Variants in GAS6 observed in about 807,000 individuals in gnomAD.
GAS6 encodes the protein growth arrest specific 6, also known as growth arrest-specific protein 6.
Under a neutral mutation model 75.8 loss-of-function variants are expected in GAS6, and 41 were observed. The ratio of observed to expected loss-of-function variants is 0.54; its 90% CI spans 0.42 to 0.70. The LOEUF (loss-of-function observed/expected upper bound fraction) is 0.70. Among genes scored for constraint, GAS6 ranks in the 30% least tolerant of loss-of-function variants. GAS6 has a pLI of 0.00. For missense variants in GAS6, 854 were observed against 940.2 expected (o/e 0.91, Z 1.20); for synonymous variants, 432 against 412.6 (o/e 1.05, Z -0.57).
At chr13:113,828,775 G>C in intron 10 of GAS6, 64 bp from the exon 11 acceptor site, 2 of 1,546,782 alleles carry the variant, frequency 1.3e-6, no homozygotes. Context: ...TCCCAACTGA[G>C]AAAAACCACA....
chr13:113,853,873 T>C (rs2051894326), intron 2 of GAS6, among the ~76,000 whole-genome samples: 1 of 152,198 alleles, frequency 6.6e-6, no homozygotes, highest in Non-Finnish European at 1.5e-5. Context: ...GCTTGGGAAG[T>C]GCAAAATCCT....
intron 4 of GAS6, chr13:113,843,162 G>A (rs1463368316): frequency 1.4e-5 from 4 of 279,034 alleles, no homozygotes; most frequent in Middle Eastern, 9.9e-4. Context: ...CCCTGACCCC[G>A]TCCACCTCCC....
intron 6 of GAS6, among the ~76,000 whole-genome samples, chr13:113,836,832 GA>G (rs2051720631): frequency 7.6e-6 from 1 of 131,190 alleles, no homozygotes; most frequent in African/African-American, 2.9e-5. Context: ...GGAAGATGGG[GA>G]GGAGGAGGGG....
At chr13:113,862,692 T>C (rs2051981795) in intron 2 of GAS6, among the ~76,000 whole-genome samples, 1 of 152,124 alleles carries the variant, frequency 6.6e-6, no homozygotes, top group Admixed American at 6.5e-5. Context: ...CCACTAGAAA[T>C]GTAAGCGGAA....
Position 113,835,515 on chromosome 13 carries a change from C to A in GAS6, c.710G>T (p.Arg237Leu). The change falls in exon 7 of 15, where the codon CGA (arginine) becomes CTA (leucine). Residue 237 changes from arginine (R) to leucine (L), a missense_variant and splice_region_variant. By Grantham distance (102) the Arg-to-Leu change is moderately radical. Transcript: ENST00000327773. The stretch of plus-strand genomic sequence containing the variant: ...GGGTGACCGCGTGGCGTGGGTACCT[C>A]GGCAAGCCTTCTCCTGGGAGCTGTA... ...FAYSSQEKAC[R>L]DVDECLQGRC... 6.2e-7 allele frequency: 1 copy of A among 1,612,360 alleles called. No homozygotes were observed. The highest frequency in any genetic ancestry group is 8.5e-7 in the Non-Finnish European group (1 of 1,179,726).
At position 113,823,030 on chromosome 13, in the gene GAS6, C is replaced by CT. The variant is rs565501558; in HGVS notation, c.1653+344dup. 483 of 207,672 alleles carry CT rather than the reference C, an allele frequency of 2.3e-3. 1 individual carries two copies. Among genetic ancestry groups the CT allele is most frequent in the Middle Eastern group, 6.6e-3 (4 of 608 alleles). The allele number at this position is 207,672 out of a possible 1,614,324, so 12.9% of individuals were successfully genotyped here. A position where few individuals can be genotyped will look rare whatever the true frequency, so the allele number is the denominator to read the frequency against. ...CGACTTTTCCAGGGAAATTGGAAAA[C>CT]TGAGTTTGTTGCTGAAATCATCTGA... is the stretch of plus-strand genomic sequence containing the variant. On this transcript the variant is annotated intron_variant, in intron 13 of 14. Coordinates refer to ENST00000327773, the MANE Select transcript of GAS6 (RefSeq NM_000820.4).
chr13:113,826,466 C>T (rs1318001181), intron 12 of GAS6, among the ~76,000 whole-genome samples: 8,710 of 98,616 alleles, frequency 0.088, 588 homozygotes, highest in South Asian at 0.13. Flanking sequence ...CGGCGCCGGC[C>T]TCGCAGGCAC....
chr13:113,860,287 C>T (rs930242333), intron 2 of GAS6, among the ~76,000 whole-genome samples: 5 of 152,148 alleles, frequency 3.3e-5, no homozygotes, highest in East Asian at 1.9e-4. Context: ...CACCAGCCCT[C>T]GGTGAATATT....
intron 12 of GAS6, among the ~76,000 whole-genome samples, chr13:113,823,760 T>G (rs532145736): frequency 5.7e-4 from 87 of 152,306 alleles, no homozygotes; most frequent in African/African-American, 2.0e-3. Context: ...TGTTTCTCCC[T>G]GGCCACACCA....
rs368423661 is a variant in GAS6 at position 113,863,660 on chromosome 13, T to G, written c.170A>C (p.Lys57Thr). ...RRAFQVFEEAKQGHLERECVE... is the reference protein window; with the variant it reads ...RRAFQVFEEATQGHLERECVE... ...GCACTCCCTCTCCAGGTGGCCCTGC[T>G]TGGCCTCCTCGAAGACCTGAAAGGC... is the stretch of plus-strand genomic sequence containing the variant. Residue 57 changes from lysine to threonine, a missense_variant, in exon 2 of 15, where the codon AAG becomes ACG. Transcript: ENST00000327773. The surrounding 1 kb of genome is among the most constrained non-coding windows in gnomAD (Gnocchi z 9.4). 1 of 1,522,148 alleles carries G rather than the reference T, an allele frequency of 6.6e-7. No individual in the cohort carries two copies. The highest frequency in any genetic ancestry group is 8.8e-7 in the Non-Finnish European group (1 of 1,134,856). The allele number at this position is 1,522,148 out of a possible 1,614,324, so 94.3% of individuals were successfully genotyped here.
intron 3 of GAS6, among the ~76,000 whole-genome samples, chr13:113,847,440 T>C (rs992876206): frequency 2.6e-5 from 4 of 151,868 alleles, no homozygotes; most frequent in African/African-American, 9.7e-5. Flanking sequence ...TAAGATGGTG[T>C]CAGTTAAACG....
At chr13:113,839,632 G>A in intron 5 of GAS6, 96 bp downstream of exon 5, 1 of 1,511,188 alleles carries the variant, frequency 6.6e-7, no homozygotes, top group Non-Finnish European at 9.0e-7. Flanking sequence ...AGAGCAGCCT[G>A]AGGATGGCCG....
chr13:113,835,537 T>G lies in GAS6; in HGVS notation c.688A>C (p.Ser230Arg). 3 of 1,612,490 alleles carry G rather than the reference T, an allele frequency of 1.9e-6. No individual in the cohort carries two copies. Among genetic ancestry groups the G allele is most frequent in the Non-Finnish European group, 2.5e-6 (3 of 1,179,840 alleles). ...CCTCGGCAAGCCTTCTCCTGGGAGC[T>G]GTACGCAAAGCCCTCGTCACAGAGG... Reference protein sequence around the residue: ...SCLCDEGFAYSSQEKACRDVD... With the variant: ...SCLCDEGFAYRSQEKACRDVD... Residue 230 changes from serine to arginine, a missense_variant, in exon 7 of 15, where the codon AGC (serine) becomes CGC (arginine). Physicochemically the swap from Ser to Arg is moderately radical, Grantham distance 110. Coordinates refer to ENST00000327773, the MANE Select transcript of GAS6 (RefSeq NM_000820.4).
At chr13:113,847,054 G>T (rs746364843) in intron 3 of GAS6, 1 of 499,394 alleles carries the variant, frequency 2.0e-6, no homozygotes, top group Non-Finnish European at 4.0e-6. Flanking sequence ...CTAGGGCGGC[G>T]GGGGGAGGCG....
At chr13:113,834,999 G>A (rs542339384) in intron 7 of GAS6, among the ~76,000 whole-genome samples, 2 of 152,378 alleles carry the variant, frequency 1.3e-5, no homozygotes, top group Admixed American at 6.5e-5. Flanking sequence ...TGTGCAGTGA[G>A]GTGTCCCCCG....
chr13:113,833,421 A>AGTC, intron 8 of GAS6: 1 of 991,902 alleles, frequency 1.0e-6, no homozygotes, highest in Non-Finnish European at 1.2e-6. Context: ...GACTCCGAGA[A>AGTC]GCTGTCCTGG....
At position 113,850,047 on chromosome 13, in the gene GAS6, G is replaced by A. The variant is rs996095662; in HGVS notation, c.256-1997C>T. ...AGAAAGACATTTCACGTTGTCCTGA[G>A]AACATTCTGGTATACACTCCTGAGA... On this transcript the variant is annotated intron_variant, in intron 2 of 14. Transcript: ENST00000327773. Among the ~76,000 whole-genome samples the A allele has an allele frequency of 7.9e-5, 12 of 152,186 alleles. 1 individual carries two copies. In the South Asian group the frequency reaches 2.5e-3, roughly 32 times the overall value.
At position 113,864,076 on chromosome 13, in the gene GAS6, T is replaced by G; in HGVS notation, c.-156A>C. ...GCTGCGGCACCTCAAGCGCTCGGTC[T>G]GGGCGTGTTCGGGCGGCTGCGCGCG... On this transcript the variant is annotated 5_prime_UTR_variant, in exon 1 of 15. Coordinates refer to ENST00000327773, the MANE Select transcript of GAS6 (RefSeq NM_000820.4). 1.3e-6 allele frequency: 1 copy of G among 780,094 alleles called. No individual in the cohort carries two copies. The highest frequency in any genetic ancestry group is 1.6e-6 in the Non-Finnish European group (1 of 640,906). 48.3% of individuals were successfully genotyped at this position (780,094 alleles called of 1,614,324 possible).
rs1459688370 is a variant in GAS6, at chr13:113,824,393, GGGGTCTGAGCTGTCAGGAGCACA to G, written c.1478-866_1478-844del. On this transcript the variant is annotated intron_variant, in intron 12 of 14. Transcript: ENST00000327773. ...GAGCTGTCAGGAGCACGCGCGGTCT[GGGGTCTGAGCTGTCAGGAGCACA>G]TGCGGTCTGGGGTCTGAGCTGTCGG... Among the ~76,000 whole-genome samples the G allele has an allele frequency of 8.6e-3, 1,270 of 148,126 alleles. 101 individuals carry two copies. The highest frequency in any genetic ancestry group is 0.018 in the South Asian group (83 of 4,524).
Sources: allele counts gnomAD v4.1 joint callset (sites outside exome capture counted in the v4.1 genomes callset), GRCh38; gene constraint gnomAD v4.1.1; non-coding constraint Gnocchi (gnomAD v3.1); transcripts MANE v1.5; gene names NCBI Gene and HGNC (gene_info 2026-07-23, HGNC 2026-07-21).